Variants in SHB observed in about 807,000 individuals in gnomAD.
The protein encoded by SHB is SH2 domain containing adaptor protein B.
In SHB, 20 loss-of-function variants were observed where a neutral mutation model predicts 52.3. The observed-to-expected ratio is 0.38, with a 90% CI of 0.27 to 0.56. The LOEUF is 0.56. SHB is among the 20% of genes least tolerant of loss of function. The pLI is 0.71. For synonymous variants in SHB, 397 were observed against 316.5 expected, an observed-to-expected ratio of 1.25 and a Z score of -2.70; for missense variants, 825 against 723.3, an observed-to-expected ratio of 1.14 and a Z score of -1.61.
Position 38,004,240 on chromosome 9 carries a change from A to C in SHB, c.838+11771T>G, listed in dbSNP as rs192216488. Among the ~76,000 whole-genome samples, 844 of 152,242 alleles carry C rather than the reference A, an allele frequency of 5.5e-3. 11 individuals carry two copies. Among genetic ancestry groups the C allele is most frequent in the African/African-American group, 0.019 (805 of 41,534 alleles). On this transcript the variant is annotated intron_variant, in intron 2 of 5. Transcript: ENST00000377707. Reference sequence around the variant, plus strand: ...GCATGAGAGCACAGGGCTTCAGTAAACACCACCTGAGCAGAAAACTGAATG... The same window carrying C: ...GCATGAGAGCACAGGGCTTCAGTAACCACCACCTGAGCAGAAAACTGAATG...
At position 37,971,768 on chromosome 9, in the gene SHB, C is replaced by G. The variant is rs150580735; in HGVS notation, c.1054+2854G>C. On this transcript the variant is annotated intron_variant, in intron 3 of 5. Transcript: ENST00000377707. ...AGGCCAAAACGGATGCTTGTGGGCT[C>G]AGAAACTCATTCTGAGACAGTTCCA... is the stretch of plus-strand genomic sequence containing the variant. 5.0e-4 allele frequency among the ~76,000 whole-genome samples: 76 copies of G among 152,346 alleles called. 1 individual carries two copies. The East Asian group carries it at 0.013, about 27-fold the overall frequency.
At chr9:38,018,852 A>G (rs1821249090) in intron 1 of SHB, among the ~76,000 whole-genome samples, 1 of 152,258 alleles carries the variant, frequency 6.6e-6, no homozygotes, top group Admixed American at 6.5e-5. Flanking sequence ...CCAGATGGCC[A>G]TGCAGAAGGT....
At chr9:38,017,545 G>A (rs1298639372) in intron 1 of SHB, among the ~76,000 whole-genome samples, 1 of 152,238 alleles carries the variant, frequency 6.6e-6, no homozygotes, top group Non-Finnish European at 1.5e-5. Context: ...CTCTGTCCCT[G>A]GCAAGTGGCT....
At chr9:38,024,068 C>T (rs1166129772) in intron 1 of SHB, among the ~76,000 whole-genome samples, 1 of 152,226 alleles carries the variant, frequency 6.6e-6, no homozygotes, top group Non-Finnish European at 1.5e-5. Context: ...GTTTTCCACT[C>T]CATTTAGGAT....
At chr9:37,954,655 C>A (rs1255592209) in intron 4 of SHB, among the ~76,000 whole-genome samples, 1 of 152,180 alleles carries the variant, frequency 6.6e-6, no homozygotes, top group Admixed American at 6.5e-5. Context: ...CCTGAGGACA[C>A]CAGCACAAGT....
At chr9:37,996,792 C>T (rs1334865431) in intron 2 of SHB, among the ~76,000 whole-genome samples, 1 of 152,194 alleles carries the variant, frequency 6.6e-6, no homozygotes, top group Non-Finnish European at 1.5e-5. Context: ...CTTTGGTACC[C>T]CAATGTAGCA....
chr9:38,003,308 G>T (rs1267671596), intron 2 of SHB, among the ~76,000 whole-genome samples: 1 of 151,954 alleles, frequency 6.6e-6, no homozygotes, highest in Non-Finnish European at 1.5e-5. Context: ...CTAGGCTGAG[G>T]CCTCTACTTC....
At chr9:37,980,174 A>C (rs1363929166) in intron 2 of SHB, among the ~76,000 whole-genome samples, 1 of 152,220 alleles carries the variant, frequency 6.6e-6, no homozygotes, top group Admixed American at 6.5e-5. Flanking sequence ...CCTTTCACGA[A>C]AGATTTCTCT....
In SHB at chr9:38,067,910, A is replaced by G. The variant is rs747734542; in HGVS notation, c.717+19T>C. On this transcript the variant is annotated intron_variant, in intron 1 of 5. Coordinates refer to ENST00000377707, the MANE Select transcript of SHB (RefSeq NM_003028.3). ...ACCGTGGCTCTGGAACCTCGGGAAG[A>G]GGCCAAGGGGCACCTTACCTTGTCC... 1.6e-5 allele frequency: 23 copies of G among 1,454,854 alleles called. No homozygotes were observed. Among genetic ancestry groups the G allele is most frequent in the Non-Finnish European group, 1.8e-5 (20 of 1,115,546 alleles). The allele number at this position is 1,454,854 out of a possible 1,614,324, so 90.1% of individuals were successfully genotyped here.
rs780018157 is a variant in SHB at position 37,948,744 on chromosome 9, C to T, written c.1237G>A (p.Gly413Arg). The T allele has an allele frequency of 8.1e-6, 13 of 1,613,660 alleles. No individual in the cohort carries two copies. The highest frequency in any genetic ancestry group is 1.6e-4 in the Middle Eastern group (1 of 6,080). Residue 413 changes from glycine to arginine, a missense_variant, in exon 5 of 6, where the codon GGA becomes AGA. Coordinates refer to ENST00000377707, the MANE Select transcript of SHB (RefSeq NM_003028.3). ...TCGGCGTCTCCTCTGCTGATGGCTC[C>T]GTGATACCATCTGTGGAGAGGGCAG... ...VPLEKQIWYHGAISRGDAENL... is the reference protein window; with the variant it reads ...VPLEKQIWYHRAISRGDAENL...
At chr9:37,928,584 C>T (rs77966133) in intron 5 of SHB, among the ~76,000 whole-genome samples, 4,070 of 152,302 alleles carry the variant, frequency 0.027, 86 homozygotes, top group East Asian at 0.1. Context: ...AATAATGTAG[C>T]CCAGCTTCCC....
intron 1 of SHB, among the ~76,000 whole-genome samples, chr9:38,057,162 C>T (rs755971299): frequency 2.0e-5 from 3 of 151,998 alleles, no homozygotes; most frequent in Non-Finnish European, 2.9e-5. Context: ...TTGGTGAAAA[C>T]GAGGAAAAGC....
intron 3 of SHB, among the ~76,000 whole-genome samples, chr9:37,970,727 G>A (rs775571444): frequency 6.6e-6 from 1 of 151,882 alleles, no homozygotes; most frequent in Non-Finnish European, 1.5e-5. Context: ...GCCCTGCCTC[G>A]CTCAAGCTTC....
intron 5 of SHB, among the ~76,000 whole-genome samples, chr9:37,924,269 C>G (rs866345074): frequency 6.6e-6 from 1 of 152,232 alleles, no homozygotes; most frequent in Non-Finnish European, 1.5e-5. Context: ...GGGCTAATAA[C>G]AGGCCCCACC....
At chr9:38,029,027 T>C (rs1023339924) in intron 1 of SHB, among the ~76,000 whole-genome samples, 2 of 152,006 alleles carry the variant, frequency 1.3e-5, no homozygotes, top group Non-Finnish European at 2.9e-5. Context: ...GAACCCTCCT[T>C]GCTCCTGGAG....
chr9:38,049,620 A>T (rs1362707243), intron 1 of SHB, among the ~76,000 whole-genome samples: 2 of 149,614 alleles, frequency 1.3e-5, no homozygotes, highest in Admixed American at 6.6e-5. Flanking sequence ...AAAAACAAAC[A>T]AACAAAAAAC....
At chr9:38,043,593 GA>G (rs999239085) in intron 1 of SHB, among the ~76,000 whole-genome samples, 2 of 152,138 alleles carry the variant, frequency 1.3e-5, no homozygotes, top group African/African-American at 4.8e-5. Flanking sequence ...CCCTGCCATA[GA>G]AATCATCCAC....
intron 1 of SHB, among the ~76,000 whole-genome samples, chr9:38,053,074 A>G (rs1821771357): frequency 6.8e-6 from 1 of 146,958 alleles, no homozygotes; most frequent in Non-Finnish European, 1.5e-5. Flanking sequence ...CAGCTGATAA[A>G]TGGCCATCAG....
intron 2 of SHB, among the ~76,000 whole-genome samples, chr9:38,000,652 G>A (rs1330478342): frequency 6.6e-6 from 1 of 152,254 alleles, no homozygotes; most frequent in East Asian, 1.9e-4. Context: ...GGGAAATGCA[G>A]TGTGATTTGG....
Sources: allele counts gnomAD v4.1 joint callset (sites outside exome capture counted in the v4.1 genomes callset), GRCh38; gene constraint gnomAD v4.1.1; transcripts MANE v1.5; gene names NCBI Gene and HGNC (gene_info 2026-07-23, HGNC 2026-07-21).